WWOX: variants seen among roughly 807,000 people sequenced by gnomAD.
WWOX encodes the protein WW domain containing oxidoreductase.
A neutral mutation model predicts 46.2 loss-of-function variants in WWOX; 69 were observed. The ratio of observed to expected loss-of-function variants is 1.49; its 90% confidence interval spans 1.23 to 1.82. The LOEUF is 1.82. Ranked by LOEUF, WWOX falls within the 40% of genes most tolerant of loss-of-function variation. The probability of loss-of-function intolerance (pLI) is 0.00; values close to 1 mark genes in which losing one functional copy is unlikely to be tolerated. For missense variants in WWOX, 919 were observed against 542.6 expected, an observed-to-expected ratio of 1.69 and a Z score of -6.89; for synonymous variants, 359 against 202.6, an observed-to-expected ratio of 1.77 and a Z score of -6.56.
chr16:78,882,034 G>T (rs932643383), intron 8 of WWOX, among the ~76,000 whole-genome samples: 1 of 152,146 alleles, frequency 6.6e-6, no homozygotes, highest in South Asian at 2.1e-4. Flanking sequence ...GCTGAGGCAG[G>T]ATAATTGCTT....
chr16:78,353,062 C>G (rs917059423), intron 5 of WWOX, among the ~76,000 whole-genome samples: 1 of 152,126 alleles, frequency 6.6e-6, no homozygotes, highest in South Asian at 2.1e-4. Context: ...GTTTGTAACT[C>G]AGATTTTTGT....
At chr16:78,280,859 C>G (rs1186162706) in intron 5 of WWOX, 1 of 152,572 alleles carries the variant, frequency 6.6e-6, no homozygotes, top group Admixed American at 6.5e-5. Context: ...TCAGAATCAT[C>G]TGAATCATCA....
At chr16:78,390,876 T>G (rs1292973088) in intron 6 of WWOX, among the ~76,000 whole-genome samples, 6 of 152,230 alleles carry the variant, frequency 3.9e-5, no homozygotes, top group Non-Finnish European at 4.4e-5. Context: ...AAAAAATCCC[T>G]TAAATTTGAA....
intron 8 of WWOX, among the ~76,000 whole-genome samples, chr16:78,838,820 G>A (rs946144943): frequency 6.6e-6 from 1 of 152,158 alleles, no homozygotes; most frequent in Non-Finnish European, 1.5e-5. Context: ...TCCAGCCTGG[G>A]CAACAGAGTG....
intron 5 of WWOX, among the ~76,000 whole-genome samples, chr16:78,326,806 C>T (rs1478624918): frequency 6.6e-6 from 1 of 151,922 alleles, no homozygotes; most frequent in South Asian, 2.1e-4. Flanking sequence ...CTTTAATTGT[C>T]AAAACATGCT....
At chr16:78,696,420 C>G (rs1261105346) in intron 8 of WWOX, among the ~76,000 whole-genome samples, 1 of 152,084 alleles carries the variant, frequency 6.6e-6, no homozygotes, top group African/African-American at 2.4e-5. Flanking sequence ...CTTTGGGATG[C>G]TGAGAAAACC....
chr16:78,701,832 G>A (rs2048224257), intron 8 of WWOX, among the ~76,000 whole-genome samples: 1 of 151,438 alleles, frequency 6.6e-6, no homozygotes, highest in Admixed American at 6.6e-5. Flanking sequence ...TCTCCATGAT[G>A]GCGCAGCTCT....
intron 5 of WWOX, among the ~76,000 whole-genome samples, chr16:78,381,578 T>C (rs190742145): frequency 4.9e-4 from 75 of 152,302 alleles, no homozygotes; most frequent in Non-Finnish European, 5.1e-4. Flanking sequence ...TCTGTATACA[T>C]AATTTAAAAT....
chr16:78,236,094 C>T (rs543611688), intron 5 of WWOX, among the ~76,000 whole-genome samples: 32 of 152,326 alleles, frequency 2.1e-4, no homozygotes, highest in African/African-American at 7.7e-4. Context: ...GGGCCAGATT[C>T]AGCCCGTGGG....
chr16:78,578,258 A>ATATATATATATATT (rs1816574599), intron 8 of WWOX, among the ~76,000 whole-genome samples: 1 of 23,310 alleles, frequency 4.3e-5, no homozygotes, highest in African/African-American at 1.3e-4. Context: ...CAAATTTTAT[A>ATATATATATATATT]TATATATATA....
At chr16:78,117,623 T>G (rs1567580744) in intron 4 of WWOX, among the ~76,000 whole-genome samples, 2 of 152,198 alleles carry the variant, frequency 1.3e-5, no homozygotes, top group Non-Finnish European at 1.5e-5. Context: ...CCAAGTAGGC[T>G]GTGGCTTCTA....
chr16:78,427,899 C>G (rs2083124298), intron 7 of WWOX, among the ~76,000 whole-genome samples: 1 of 152,166 alleles, frequency 6.6e-6, no homozygotes, highest in Admixed American at 6.5e-5. Flanking sequence ...GAAACCCCAT[C>G]TCTACTAAAA....
At chr16:78,630,059 C>G (rs1022135615) in intron 8 of WWOX, among the ~76,000 whole-genome samples, 4 of 152,158 alleles carry the variant, frequency 2.6e-5, no homozygotes, top group Non-Finnish European at 4.4e-5. Flanking sequence ...CGAAGCTTCA[C>G]AAGGGCAGGG....
intron 8 of WWOX, among the ~76,000 whole-genome samples, chr16:78,509,593 G>T (rs896282926): frequency 6.6e-6 from 1 of 152,180 alleles, no homozygotes; most frequent in African/African-American, 2.4e-5. Context: ...AGTGTGCAAT[G>T]CTTCCCAGCC....
chr16:78,669,968 C>T (rs896189411), intron 8 of WWOX, among the ~76,000 whole-genome samples: 2 of 152,152 alleles, frequency 1.3e-5, no homozygotes, highest in Non-Finnish European at 1.5e-5. Context: ...TGCCTTTTCT[C>T]CCTTCATCCT....
intron 6 of WWOX, among the ~76,000 whole-genome samples, chr16:78,422,229 C>G (rs1203365350): frequency 1.3e-5 from 2 of 152,102 alleles, no homozygotes; most frequent in Admixed American, 6.5e-5. Context: ...ATATTCGTCA[C>G]TTTTGTTCCA....
At position 78,382,234 on chromosome 16, in the gene WWOX, A is replaced by G. The variant is rs147201316; in HGVS notation, c.517-4626A>G. ...GGACACATAGCACGTTGCACCTTCT[A>G]GAAGCTAGGCACAGCCACATGACTT... On this transcript the variant is annotated intron_variant, in intron 5 of 8. Coordinates refer to ENST00000566780, the MANE Select transcript of WWOX (RefSeq NM_016373.4). Among the ~76,000 whole-genome samples the G allele has an allele frequency of 4.4e-3, 677 of 152,310 alleles. 6 individuals carry two copies. The highest frequency in any genetic ancestry group is 0.01 in the Middle Eastern group (3 of 294).
At chr16:78,616,742 G>A (rs956940864) in intron 8 of WWOX, among the ~76,000 whole-genome samples, 5 of 151,986 alleles carry the variant, frequency 3.3e-5, no homozygotes, top group Admixed American at 3.3e-4. Context: ...CTCCTGTCTG[G>A]GAGACAGAGG....
chr16:79,159,376 A>G lies in WWOX; in HGVS notation c.1057-52232A>G, dbSNP rs549871558. Among the ~76,000 whole-genome samples, 11 of 152,338 alleles carry G rather than the reference A, an allele frequency of 7.2e-5. No individual in the cohort carries two copies. The East Asian group carries it at 1.7e-3, about 24-fold the overall frequency. On this transcript the variant is annotated intron_variant, in intron 8 of 8. Transcript: ENST00000566780. ...AAATGTTCCTGCAAGTACTGGCTAG[A>G]TGAATGGCATGTCATTTTCTAATGC...
Sources: gnomAD v4.1 joint callset for allele counts (sites outside exome capture counted in the v4.1 genomes callset) on GRCh38, gnomAD v4.1.1 for gene constraint, MANE v1.5 for transcripts, NCBI Gene and HGNC (gene_info 2026-07-23, HGNC 2026-07-21) for gene names.